The following GALNT17 variants were observed in gnomAD, a reference collection of about 807,000 sequenced individuals.
GALNT17 encodes UDP-GalNAc:polypeptide N-acetylgalactosaminyltransferase-like 3.
GALNT17 carries 29 observed loss-of-function variants against 63.7 expected under a neutral mutation model. The observed-to-expected ratio is 0.46, with a 90% confidence interval of 0.34 to 0.62. GALNT17 has a LOEUF of 0.62. GALNT17 is among the 20% of genes least tolerant of loss of function. GALNT17 has a pLI of 0.01. For missense variants in GALNT17, 603 were observed against 799.6 expected (o/e 0.75, Z 2.97); for synonymous variants, 305 against 318.3 (o/e 0.96, Z 0.45).
rs11442081 is a variant in GALNT17 at position 71,214,579 on chromosome 7, C to CTTTT, written c.238+81551_238+81554dup. ...ATTTTTCTGTTACTTCTTGATTTGG[C>CTTTT]TTTTTTTTTTTTTTTGACATGGTGT... On this transcript the variant is annotated intron_variant, in intron 1 of 10. Coordinates refer to ENST00000333538, the MANE Select transcript of GALNT17 (RefSeq NM_022479.3). Among the ~76,000 whole-genome samples the CTTTT allele has an allele frequency of 7.0e-4, 96 of 138,092 alleles. 1 individual carries two copies. Among genetic ancestry groups the CTTTT allele is most frequent in the African/African-American group, 2.4e-3 (88 of 37,296 alleles). The allele number at this position is 138,092 out of a possible 152,430, so 90.6% of individuals were successfully genotyped here.
At position 71,653,419 on chromosome 7, in the gene GALNT17, T is replaced by A. The variant is rs564258012; in HGVS notation, c.1081-11992T>A. Among the ~76,000 whole-genome samples, 278 of 152,238 alleles carry A rather than the reference T, an allele frequency of 1.8e-3. 1 individual carries two copies. The highest frequency in any genetic ancestry group is 6.4e-3 in the African/African-American group (265 of 41,530). ...TCGACCTATAAAAGTAGGACTTTTT[T>A]TTTTTTTAAGACTTTCTCTCTTGTT... is the stretch of plus-strand genomic sequence containing the variant. On this transcript the variant is annotated intron_variant, in intron 6 of 10. Transcript: ENST00000333538.
chr7:71,686,095 C>G (rs1300218628), intron 9 of GALNT17, among the ~76,000 whole-genome samples: 6 of 151,642 alleles, frequency 4.0e-5, no homozygotes, highest in African/African-American at 1.2e-4. Context: ...GCTGGGATTA[C>G]AGGCACCTGC....
chr7:71,708,472 CAT>C (rs1791749813), intron 9 of GALNT17, among the ~76,000 whole-genome samples: 1 of 152,098 alleles, frequency 6.6e-6, no homozygotes, highest in African/African-American at 2.4e-5. Flanking sequence ...TCCCACAACA[CAT>C]GAGGATTATG....
intron 2 of GALNT17, among the ~76,000 whole-genome samples, chr7:71,379,618 C>T (rs74416465): frequency 0.013 from 1,919 of 152,138 alleles, 48 homozygotes; most frequent in African/African-American, 0.042. Context: ...GATTTGGTGA[C>T]CGATAGGCAT....
intron 5 of GALNT17, among the ~76,000 whole-genome samples, chr7:71,423,793 G>A (rs1475653081): frequency 6.6e-6 from 1 of 151,990 alleles, no homozygotes; most frequent in African/African-American, 2.4e-5. Context: ...GTGGTGGTGT[G>A]CTCTTGTAAT....
At chr7:71,677,054 G>C (rs1457074596) in intron 8 of GALNT17, among the ~76,000 whole-genome samples, 157 bp from the exon 9 acceptor site, 2 of 152,120 alleles carry the variant, frequency 1.3e-5, no homozygotes, top group African/African-American at 4.8e-5. Context: ...TTCTTGTTAA[G>C]GTGATCACCG....
In GALNT17 at chr7:71,502,711, A is replaced by C. The variant is rs564463104; in HGVS notation, c.963-68574A>C. On this transcript the variant is annotated intron_variant, in intron 5 of 10. Transcript: ENST00000333538. ...TGTGAAGAATACCTTAGATGATGCCAGCACCCAGCCTTGGAGTCACCCATC... is the reference window on the plus strand; with the variant it reads ...TGTGAAGAATACCTTAGATGATGCCCGCACCCAGCCTTGGAGTCACCCATC... Among the ~76,000 whole-genome samples, 255 of 152,352 alleles carry C rather than the reference A, an allele frequency of 1.7e-3. 3 individuals carry two copies. The highest frequency in any genetic ancestry group is 5.9e-3 in the African/African-American group (246 of 41,594).
chr7:71,615,807 A>G (rs1790193688), intron 6 of GALNT17, among the ~76,000 whole-genome samples: 1 of 152,070 alleles, frequency 6.6e-6, no homozygotes, highest in Admixed American at 6.6e-5. Flanking sequence ...TTTACTCTGC[A>G]TCAACCTCTT....
intron 1 of GALNT17, among the ~76,000 whole-genome samples, chr7:71,312,336 G>C (rs958867906): frequency 1.3e-5 from 2 of 152,150 alleles, no homozygotes; most frequent in Non-Finnish European, 2.9e-5. Context: ...CAACTTTGGG[G>C]CTCACCTGCC....
intron 1 of GALNT17, among the ~76,000 whole-genome samples, chr7:71,133,552 T>C (rs1252221192): frequency 6.6e-6 from 1 of 152,138 alleles, no homozygotes; most frequent in Non-Finnish European, 1.5e-5. Flanking sequence ...GTCATCTGTC[T>C]ATGAGGCGAG....
chr7:71,301,682 GT>G lies in GALNT17; in HGVS notation c.239-33867del, dbSNP rs768628468. ...TTTAATTTGGCCCAAATACACAAGT[GT>G]GCGCAGTATTGGACACTTAAAAATT... On this transcript the variant is annotated intron_variant, in intron 1 of 10. Transcript: ENST00000333538. Among the ~76,000 whole-genome samples the G allele has an allele frequency of 1.2e-4, 18 of 152,046 alleles. 1 individual carries two copies. Among genetic ancestry groups the G allele is most frequent in the East Asian group, 9.7e-4 (5 of 5,174 alleles).
chr7:71,303,625 A>G (rs11973091), intron 1 of GALNT17, among the ~76,000 whole-genome samples: 1 of 152,090 alleles, frequency 6.6e-6, no homozygotes, highest in African/African-American at 2.4e-5. Context: ...TACAGTGATT[A>G]CTAATACTCA....
chr7:71,307,083 C>G (rs920794335), intron 1 of GALNT17, among the ~76,000 whole-genome samples: 5 of 152,150 alleles, frequency 3.3e-5, no homozygotes, highest in Non-Finnish European at 5.9e-5. Context: ...CTTGGCCTCC[C>G]AAAGTGCTGG....
intron 1 of GALNT17, among the ~76,000 whole-genome samples, chr7:71,169,989 A>G (rs1032782578): frequency 1.4e-5 from 2 of 147,062 alleles, no homozygotes; most frequent in African/African-American, 5.0e-5. Context: ...TTTTTTTTAG[A>G]TGGGGTCTTG....
chr7:71,451,123 T>TAC, intron 5 of GALNT17, among the ~76,000 whole-genome samples: 2 of 151,622 alleles, frequency 1.3e-5, no homozygotes, highest in Admixed American at 1.3e-4. Context: ...ATGTTCCCCT[T>TAC]CCTGTGTCCA....
chr7:71,544,434 A>C (rs910872590), intron 5 of GALNT17, among the ~76,000 whole-genome samples: 2 of 151,178 alleles, frequency 1.3e-5, no homozygotes, highest in African/African-American at 4.9e-5. Context: ...GAGCCACCAC[A>C]CCCGGCCAAG....
chr7:71,246,124 T>G (rs1283457625), intron 1 of GALNT17, among the ~76,000 whole-genome samples: 52 of 137,842 alleles, frequency 3.8e-4, no homozygotes, highest in East Asian at 6.2e-4. Flanking sequence ...TGTTTTTTTT[T>G]TTTTTTTTTT....
At chr7:71,546,212 G>T (rs1217409139) in intron 5 of GALNT17, among the ~76,000 whole-genome samples, 4 of 148,416 alleles carry the variant, frequency 2.7e-5, no homozygotes, top group African/African-American at 9.9e-5. Flanking sequence ...CTAGGCTGAA[G>T]TGCAATGGCA....
Position 71,712,087 on chromosome 7 carries a change from G to C in GALNT17, c.1738G>C (p.Asp580His). ...GGAGAACCGGGGCCTGGCTGGCATCGACCTCATCCTCCGCAGCTGCACAGG... is the reference window on the plus strand; with the variant it reads ...GGAGAACCGGGGCCTGGCTGGCATCCACCTCATCCTCCGCAGCTGCACAGG... ...EVENRGLAGIDLILRSCTGQR... is the reference protein window; with the variant it reads ...EVENRGLAGIHLILRSCTGQR... Residue 580 changes from aspartate (D) to histidine (H), a missense_variant, in exon 11 of 11, where the codon GAC becomes CAC. Physicochemically the swap from Asp to His is moderately conservative, Grantham distance 81. Transcript: ENST00000333538. The C allele has an allele frequency of 6.2e-7, 1 of 1,614,010 alleles. No homozygotes were observed. Among genetic ancestry groups the C allele is most frequent in the Non-Finnish European group, 8.5e-7 (1 of 1,179,964 alleles).
Sources: gnomAD v4.1 joint callset for allele counts (sites outside exome capture counted in the v4.1 genomes callset) on GRCh38, gnomAD v4.1.1 for gene constraint, MANE v1.5 for transcripts, NCBI Gene and HGNC (gene_info 2026-07-23, HGNC 2026-07-21) for gene names.